The following SPOCK1 variants were observed in gnomAD, a reference collection of about 807,000 sequenced individuals.
The protein encoded by SPOCK1 is SPARC (osteonectin), cwcv and kazal like domains proteoglycan 1, also known as testican-1.
In SPOCK1, 23 loss-of-function variants were observed where a neutral mutation model predicts 55.3. That is an observed-to-expected ratio of 0.42 (90% CI 0.30 to 0.59). SPOCK1 has a LOEUF of 0.59. SPOCK1 is among the 20% of genes least tolerant of loss of function. The pLI is 0.22. For missense variants in SPOCK1, 499 were observed against 552.5 expected, an observed-to-expected ratio of 0.90 and a Z score of 0.97; for synonymous variants, 226 against 221.0, an observed-to-expected ratio of 1.02 and a Z score of -0.20.
chr5:137,448,874 G>T (rs1292425106), intron 2 of SPOCK1, among the ~76,000 whole-genome samples: 1 of 152,170 alleles, frequency 6.6e-6, no homozygotes, highest in African/African-American at 2.4e-5. Context: ...CGTGGGGCAG[G>T]GCCCTATCAG....
chr5:137,024,234 A>G (rs572975357), intron 6 of SPOCK1, among the ~76,000 whole-genome samples: 1 of 145,464 alleles, frequency 6.9e-6, no homozygotes, highest in African/African-American at 2.5e-5. Context: ...GCCGAGGGTG[A>G]CGGGTGTAAT....
At chr5:137,119,536 C>T (rs1433037340) in intron 4 of SPOCK1, among the ~76,000 whole-genome samples, 1 of 152,156 alleles carries the variant, frequency 6.6e-6, no homozygotes, top group African/African-American at 2.4e-5. Context: ...GATTTTCCAT[C>T]GTGGGGTATG....
chr5:137,350,727 T>G (rs1429671462), intron 2 of SPOCK1, among the ~76,000 whole-genome samples: 1 of 152,108 alleles, frequency 6.6e-6, no homozygotes, highest in Non-Finnish European at 1.5e-5. Context: ...AAGATGAATT[T>G]GTGGGGCCTA....
intron 2 of SPOCK1, among the ~76,000 whole-genome samples, chr5:137,449,106 C>T (rs535553769): frequency 3.3e-5 from 5 of 152,190 alleles, no homozygotes; most frequent in Non-Finnish European, 7.4e-5. Context: ...TGGCTTCAGC[C>T]CCCAGGACAG....
chr5:137,018,592 T>C (rs1208437812), intron 6 of SPOCK1, among the ~76,000 whole-genome samples: 1 of 152,080 alleles, frequency 6.6e-6, no homozygotes, highest in African/African-American at 2.4e-5. Flanking sequence ...ATGAGGCAAA[T>C]CACCCCTTCC....
intron 3 of SPOCK1, among the ~76,000 whole-genome samples, chr5:137,148,458 A>G (rs971347799): frequency 1.7e-4 from 26 of 152,316 alleles, no homozygotes; most frequent in South Asian, 6.2e-4. Flanking sequence ...TCTCAAAGCT[A>G]TCATCTCACA....
intron 5 of SPOCK1, among the ~76,000 whole-genome samples, chr5:137,083,113 C>A (rs1752902032): frequency 6.6e-6 from 1 of 152,200 alleles, no homozygotes; most frequent in Non-Finnish European, 1.5e-5. Context: ...AATATGTGTG[C>A]TCCCGTTTTG....
chr5:137,272,515 C>A, intron 2 of SPOCK1, among the ~76,000 whole-genome samples: 1 of 152,136 alleles, frequency 6.6e-6, no homozygotes, highest in Non-Finnish European at 1.5e-5. Flanking sequence ...GAGCTGTTTT[C>A]ATTCACATCT....
chr5:137,085,543 C>A (rs534028466), intron 5 of SPOCK1, among the ~76,000 whole-genome samples: 1 of 152,226 alleles, frequency 6.6e-6, no homozygotes, highest in South Asian at 2.1e-4. Context: ...AAACACAGAA[C>A]AGTTTGGGTC....
chr5:136,983,536 G>T (rs1224477765), intron 9 of SPOCK1, among the ~76,000 whole-genome samples: 1 of 151,144 alleles, frequency 6.6e-6, no homozygotes, highest in African/African-American at 2.4e-5. Flanking sequence ...GCGGTCAGTA[G>T]CCCAAAAAGA....
At chr5:136,979,181 G>A (rs1750676062) in intron 10 of SPOCK1, 151 bp downstream of exon 10, 10 of 1,143,410 alleles carry the variant, frequency 8.7e-6, no homozygotes, top group African/African-American at 1.5e-5. Context: ...CTACACGGGA[G>A]CTCATGTGAT....
intron 6 of SPOCK1, among the ~76,000 whole-genome samples, chr5:137,009,418 A>C (rs1751310107): frequency 6.6e-6 from 1 of 152,224 alleles, no homozygotes; most frequent in Admixed American, 6.5e-5. Flanking sequence ...GAGAGGTCAA[A>C]TGAAAGTGCA....
At chr5:137,478,927 G>C (rs1753892856) in intron 2 of SPOCK1, among the ~76,000 whole-genome samples, 2 of 151,938 alleles carry the variant, frequency 1.3e-5, no homozygotes, top group African/African-American at 4.8e-5. Flanking sequence ...TCATAAAAGG[G>C]GTAGAAAGAA....
intron 2 of SPOCK1, among the ~76,000 whole-genome samples, chr5:137,281,720 C>T (rs730605): frequency 0.029 from 4,405 of 152,230 alleles, 222 homozygotes; most frequent in African/African-American, 0.1. Flanking sequence ...AATTTACCAG[C>T]GAGACACACA....
At chr5:137,278,963 C>CA (rs1189967938) in intron 2 of SPOCK1, among the ~76,000 whole-genome samples, 7 of 152,134 alleles carry the variant, frequency 4.6e-5, no homozygotes, top group Non-Finnish European at 1.0e-4. Flanking sequence ...TACTTCCCCC[C>CA]AGGGGGAATG....
intron 2 of SPOCK1, among the ~76,000 whole-genome samples, chr5:137,314,299 C>T (rs1251395701): frequency 6.6e-6 from 1 of 152,168 alleles, no homozygotes; most frequent in African/African-American, 2.4e-5. Context: ...ACAATTCTTA[C>T]TTTCTAATAC....
At chr5:137,165,911 T>C (rs1157758101) in intron 3 of SPOCK1, among the ~76,000 whole-genome samples, 2 of 151,358 alleles carry the variant, frequency 1.3e-5, no homozygotes, top group Non-Finnish European at 3.0e-5. Context: ...ACATAAAAGA[T>C]CTAAAAAAAA....
chr5:137,019,664 T>A (rs544353799), intron 6 of SPOCK1, among the ~76,000 whole-genome samples: 1 of 152,130 alleles, frequency 6.6e-6, no homozygotes, highest in African/African-American at 2.4e-5. Flanking sequence ...ATGAAGACAG[T>A]GTGAGACAAA....
chr5:137,297,891 A>G (rs902654832), intron 2 of SPOCK1, among the ~76,000 whole-genome samples: 2 of 152,222 alleles, frequency 1.3e-5, no homozygotes, highest in Non-Finnish European at 2.9e-5. Context: ...ACATATTTTC[A>G]TCAGAAAAGA....
Sources: gnomAD v4.1 joint callset for allele counts (sites outside exome capture counted in the v4.1 genomes callset) on GRCh38, gnomAD v4.1.1 for gene constraint, MANE v1.5 for transcripts, NCBI Gene and HGNC (gene_info 2026-07-23, HGNC 2026-07-21) for gene names.